Variants in ARMC9 observed in about 807,000 individuals in gnomAD.
ARMC9 encodes armadillo repeat containing 9.
In ARMC9, 94 loss-of-function variants were observed where a neutral mutation model predicts 107.0. The observed-to-expected ratio is 0.88, with a 90% confidence interval of 0.74 to 1.04. The LOEUF (loss-of-function observed/expected upper bound fraction) is 1.04. ARMC9 is among the 50% of genes least tolerant of loss of function. The pLI is 0.00. For missense variants in ARMC9, 942 were observed against 1,030.1 expected, an observed-to-expected ratio of 0.91 and a Z score of 1.17; for synonymous variants, 380 against 396.9, an observed-to-expected ratio of 0.96 and a Z score of 0.51.
chr2:231,260,912 C>A (rs1242838107), intron 11 of ARMC9, among the ~76,000 whole-genome samples: 1 of 152,130 alleles, frequency 6.6e-6, no homozygotes, highest in Non-Finnish European at 1.5e-5. Context: ...GTGCCCCCAC[C>A]CGGCTTTTTG....
chr2:231,258,007 T>C (rs1268128660), intron 10 of ARMC9, among the ~76,000 whole-genome samples: 1 of 151,868 alleles, frequency 6.6e-6, no homozygotes, highest in Non-Finnish European at 1.5e-5. Context: ...TGTGTGGATC[T>C]CCAATCCAAG....
At chr2:231,341,649 G>GAT (rs1188287417) in intron 20 of ARMC9, among the ~76,000 whole-genome samples, 3 of 121,506 alleles carry the variant, frequency 2.5e-5, no homozygotes, top group African/African-American at 1.5e-4. Context: ...ATGATAGATA[G>GAT]ATAGATAGAT....
intron 6 of ARMC9, among the ~76,000 whole-genome samples, chr2:231,226,085 G>T (rs1285737232): frequency 6.6e-6 from 1 of 152,154 alleles, no homozygotes; most frequent in Non-Finnish European, 1.5e-5. Context: ...TCAAACTCCT[G>T]ATCTCAGGTA....
intron 19 of ARMC9, among the ~76,000 whole-genome samples, chr2:231,319,851 T>G (rs934591831): frequency 1.3e-5 from 2 of 152,126 alleles, no homozygotes; most frequent in African/African-American, 4.8e-5. Context: ...CATTTTAAAC[T>G]TTTCAGAAAG....
At chr2:231,215,728 G>A (rs1161245703) in intron 4 of ARMC9, among the ~76,000 whole-genome samples, 1 of 152,192 alleles carries the variant, frequency 6.6e-6, no homozygotes, top group Non-Finnish European at 1.5e-5. Flanking sequence ...ACTGCCCTAT[G>A]GACCAAGGTG....
At chr2:231,364,406 T>C (rs532210738) in intron 23 of ARMC9, among the ~76,000 whole-genome samples, 1 of 152,372 alleles carries the variant, frequency 6.6e-6, no homozygotes, top group South Asian at 2.1e-4. Context: ...GCTGTGACTT[T>C]TTTAAAATGA....
chr2:231,339,368 A>G (rs2044352280), intron 20 of ARMC9, among the ~76,000 whole-genome samples: 1 of 152,322 alleles, frequency 6.6e-6, no homozygotes, highest in Admixed American at 6.5e-5. Context: ...TAAAAGACAA[A>G]AATTTAAATC....
intron 7 of ARMC9, among the ~76,000 whole-genome samples, chr2:231,229,343 T>C (rs940500166): frequency 6.6e-6 from 1 of 152,234 alleles, no homozygotes; most frequent in East Asian, 1.9e-4. Context: ...TTGCATGATA[T>C]CATTGTTCTG....
intron 13 of ARMC9, among the ~76,000 whole-genome samples, chr2:231,272,217 G>C (rs1476984110): frequency 8.0e-6 from 1 of 124,248 alleles, no homozygotes; most frequent in Admixed American, 8.7e-5. Flanking sequence ...TTTTGAGAGA[G>C]TCTCACTTTG....
intron 17 of ARMC9, among the ~76,000 whole-genome samples, chr2:231,285,739 G>A (rs2040544678): frequency 6.6e-6 from 1 of 152,116 alleles, no homozygotes; most frequent in East Asian, 1.9e-4. Flanking sequence ...TTTAGCCTGA[G>A]AACGCATCAG....
At chr2:231,246,444 G>C (rs1338388650) in intron 9 of ARMC9, among the ~76,000 whole-genome samples, 1 of 152,204 alleles carries the variant, frequency 6.6e-6, no homozygotes, top group East Asian at 1.9e-4. Flanking sequence ...TTAGAAGTAA[G>C]AGCGTGTGGT....
chr2:231,223,590 T>C (rs537833500), intron 6 of ARMC9, among the ~76,000 whole-genome samples: 2 of 152,326 alleles, frequency 1.3e-5, no homozygotes, highest in African/African-American at 4.8e-5. Context: ...TTAGTTTAAT[T>C]TCATGAAAAA....
At chr2:231,290,718 T>A (rs2040928446) in intron 17 of ARMC9, among the ~76,000 whole-genome samples, 1 of 152,244 alleles carries the variant, frequency 6.6e-6, no homozygotes, top group African/African-American at 2.4e-5. Flanking sequence ...CAATGTATAG[T>A]GTAGTGACTT....
At chr2:231,369,572 C>T (rs563543440) in intron 23 of ARMC9, among the ~76,000 whole-genome samples, 25 of 149,170 alleles carry the variant, frequency 1.7e-4, no homozygotes, top group African/African-American at 5.7e-4. Flanking sequence ...GGATTACAGG[C>T]GTGAGCCACC....
intron 20 of ARMC9, among the ~76,000 whole-genome samples, chr2:231,341,498 A>G (rs1044216852): frequency 6.6e-6 from 1 of 152,198 alleles, no homozygotes; most frequent in Admixed American, 6.5e-5. Context: ...AAGTAGACAC[A>G]TTGCCGTGCC....
At chr2:231,262,482 C>A in intron 12 of ARMC9, 84 bp downstream of exon 12, 1 of 1,298,786 alleles carries the variant, frequency 7.7e-7, no homozygotes, top group Non-Finnish European at 1.1e-6. Context: ...CTTATAATTT[C>A]TCTGCACATT....
rs756821887 is a variant in ARMC9, at chr2:231,222,796, C to T, written c.573C>T (p.Asn191=). The change falls in exon 6 of 25, where the codon AAC becomes AAT. Residue 191 remains asparagine, a synonymous_variant. Transcript: ENST00000611582. ...TAGCTTTAATATCTAAAGCCAGCAA[C>T]ACGCCAAAGCTTTTAACAATATATG... is the stretch of plus-strand genomic sequence containing the variant. ...KFLALISKAS[N]TPKLLTIYKE... The T allele has an allele frequency of 1.3e-6, 2 of 1,591,484 alleles. No homozygotes were observed. Among genetic ancestry groups the T allele is most frequent in the Non-Finnish European group, 1.7e-6 (2 of 1,161,152 alleles).
chr2:231,359,149 G>C (rs2125592753), intron 22 of ARMC9, among the ~76,000 whole-genome samples: 1 of 148,798 alleles, frequency 6.7e-6, no homozygotes, highest in Non-Finnish European at 1.5e-5. Flanking sequence ...GCAGTGGTGC[G>C]ATCTTGGCTC....
intron 19 of ARMC9, among the ~76,000 whole-genome samples, chr2:231,316,150 G>A (rs2042661837): frequency 7.7e-6 from 1 of 130,590 alleles, no homozygotes; most frequent in South Asian, 2.3e-4. Context: ...GAAGGAACAT[G>A]TGTGTATGTA....
Sources: gnomAD v4.1 joint callset for allele counts (sites outside exome capture counted in the v4.1 genomes callset) on GRCh38, gnomAD v4.1.1 for gene constraint, MANE v1.5 for transcripts, NCBI Gene and HGNC (gene_info 2026-07-23, HGNC 2026-07-21) for gene names.